The following ANXA5 variants were observed in gnomAD, a reference collection of about 807,000 sequenced individuals.
The protein encoded by ANXA5 is CBP-I.
ANXA5 carries 40 observed loss-of-function variants against 48.1 expected under a neutral mutation model. That is an observed-to-expected ratio of 0.83 (90% CI 0.65 to 1.08). ANXA5 has a LOEUF of 1.08. Ranked by LOEUF, ANXA5 falls within the 50% of genes least tolerant of loss-of-function variation. The pLI is 0.00. For missense variants in ANXA5, 357 were observed against 376.8 expected, an observed-to-expected ratio of 0.95 and a Z score of 0.44; for synonymous variants, 113 against 129.1, an observed-to-expected ratio of 0.88 and a Z score of 0.85.
At chr4:121,694,913 G>T (rs945158498) in intron 2 of ANXA5, among the ~76,000 whole-genome samples, 2 of 152,062 alleles carry the variant, frequency 1.3e-5, no homozygotes, top group Non-Finnish European at 2.9e-5. Flanking sequence ...TATACACATG[G>T]CCTTTATGAT....
intron 11 of ANXA5, 97 bp from the exon 12 acceptor site, chr4:121,669,821 A>C: frequency 6.7e-7 from 1 of 1,490,454 alleles, no homozygotes; most frequent in South Asian, 1.2e-5. Flanking sequence ...AAGGTATAAC[A>C]ATTTAGTAGA....
intron 8 of ANXA5, among the ~76,000 whole-genome samples, chr4:121,674,223 AGGGAGGGGAGGGAGAG>A (rs1264827033): frequency 0.012 from 827 of 71,306 alleles, 11 homozygotes; most frequent in Middle Eastern, 0.023. Context: ...GGAAAGGAGA[AGGGAGGGGAGGGAGAG>A]GGGAGGGGAG....
intron 8 of ANXA5, among the ~76,000 whole-genome samples, chr4:121,676,687 G>C (rs374483660): frequency 6.9e-6 from 1 of 144,798 alleles, no homozygotes; most frequent in African/African-American, 2.5e-5. Context: ...GGGCGGGGGG[G>C]GGTATGGTTT....
chr4:121,683,035 T>C (rs1225605103), intron 5 of ANXA5, among the ~76,000 whole-genome samples: 1 of 152,110 alleles, frequency 6.6e-6, no homozygotes, highest in East Asian at 1.9e-4. Flanking sequence ...AATTTTCTAC[T>C]GAAAAAGATA....
At chr4:121,672,766 C>T (rs1386690538) in intron 8 of ANXA5, 140 bp from the exon 9 acceptor site, 2 of 659,116 alleles carry the variant, frequency 3.0e-6, no homozygotes, top group Non-Finnish European at 5.2e-6. Flanking sequence ...TCTAATGTGT[C>T]CTACTCTGAA....
Position 121,683,402 on chromosome 4 carries a change from G to A in ANXA5, c.265C>T (p.Arg89Trp), listed in dbSNP as rs763889812. Residue 89 changes from arginine to tryptophan, a missense_variant, in exon 5 of 13, where the codon CGG becomes TGG. Transcript: ENST00000296511. ...TTCAGTTCATAAGCATCATAAAGCC[G>A]AGAGGGTTTCATCAGAGCCACAATT... The part of the protein sequence containing the change: ...KLIVALMKPS[R>W]LYDAYELKHA... 5.9e-5 allele frequency: 95 copies of A among 1,608,336 alleles called. No individual in the cohort carries two copies. The highest frequency in any genetic ancestry group is 7.1e-5 in the Non-Finnish European group (83 of 1,176,802).
rs534879398 is a variant in ANXA5 at position 121,676,683 on chromosome 4, G to C, written c.531+1211C>G. On this transcript the variant is annotated intron_variant, in intron 8 of 12. Coordinates refer to ENST00000296511, the MANE Select transcript of ANXA5 (RefSeq NM_001154.4). ...ACTGTGACAGGAAGCCTGGGGGCGG[G>C]GGGGGGTATGGTTTTCCCTGTGAGG... Among the ~76,000 whole-genome samples, 212 of 147,482 alleles carry C rather than the reference G, an allele frequency of 1.4e-3. 1 individual carries two copies. The highest frequency in any genetic ancestry group is 5.0e-3 in the African/African-American group (204 of 41,106).
intron 9 of ANXA5, 88 bp from the exon 10 acceptor site, chr4:121,671,730 T>C: frequency 1.1e-6 from 1 of 885,914 alleles, no homozygotes; most frequent in Non-Finnish European, 1.8e-6. Flanking sequence ...AGTGTCTTAC[T>C]GAACACAAAT....
chr4:121,684,791 A>G lies in ANXA5; in HGVS notation c.95-20T>C, dbSNP rs1724852140. On this transcript the variant is annotated intron_variant, in intron 3 of 12. Coordinates refer to ENST00000296511, the MANE Select transcript of ANXA5 (RefSeq NM_001154.4). The stretch of plus-strand genomic sequence containing the variant: ...CTGTGCCTGCAATTTATGGTTAACA[A>G]TTACATTTTGGCTCCTACATGCATA... 1.9e-6 allele frequency: 3 copies of G among 1,609,672 alleles called. No homozygotes were observed. Among genetic ancestry groups the G allele is most frequent in the South Asian group, 1.1e-5 (1 of 90,904 alleles).
At chr4:121,691,730 A>C (rs1724987472) in intron 2 of ANXA5, among the ~76,000 whole-genome samples, 1 of 152,178 alleles carries the variant, frequency 6.6e-6, no homozygotes, top group African/African-American at 2.4e-5. Flanking sequence ...TCCCCACTCC[A>C]TGTACATACA....
At chr4:121,684,237 A>G (rs2110486373) in intron 4 of ANXA5, among the ~76,000 whole-genome samples, 1 of 152,202 alleles carries the variant, frequency 6.6e-6, no homozygotes, top group African/African-American at 2.4e-5. Flanking sequence ...ATTTTTTTGA[A>G]TTATTAATCA....
rs376075437 is a variant in ANXA5 at position 121,682,547 on chromosome 4, A to C, written c.304-786T>G. ...GAATTTCAACTACTGCTGACATTTC[A>C]GAAGTACTTAGCAAAAAAAGTGCTT... On this transcript the variant is annotated intron_variant, in intron 5 of 12. Coordinates refer to ENST00000296511, the MANE Select transcript of ANXA5 (RefSeq NM_001154.4). 2.9e-4 allele frequency among the ~76,000 whole-genome samples: 44 copies of C among 152,290 alleles called. 1 individual carries two copies. In the East Asian group the frequency reaches 4.4e-3, roughly 15 times the overall value.
At chr4:121,685,898 T>TGA (rs2110487568) in intron 3 of ANXA5, among the ~76,000 whole-genome samples, 1 of 152,292 alleles carries the variant, frequency 6.6e-6, no homozygotes, top group Non-Finnish European at 1.5e-5. Context: ...TTCTAGAGAC[T>TGA]GAATATTAGG....
chr4:121,679,186 T>C (rs964071692), intron 6 of ANXA5, among the ~76,000 whole-genome samples: 7 of 152,212 alleles, frequency 4.6e-5, no homozygotes. Flanking sequence ...GCCTGAAACT[T>C]CTATTTTAAA....
chr4:121,672,344 C>T (rs74981340), intron 9 of ANXA5, among the ~76,000 whole-genome samples, 189 bp downstream of exon 9: 198 of 152,310 alleles, frequency 1.3e-3, no homozygotes, highest in Non-Finnish European at 2.1e-3. Flanking sequence ...GACTCAGGAT[C>T]TCTAGTTTGT....
chr4:121,680,538 G>C (rs1319649353), intron 6 of ANXA5, among the ~76,000 whole-genome samples: 1 of 152,168 alleles, frequency 6.6e-6, no homozygotes, highest in Non-Finnish European at 1.5e-5. Context: ...CAAACTGCTT[G>C]AGGACAGGAG....
chr4:121,681,881 G>A (rs1473768220), intron 5 of ANXA5, 120 bp from the exon 6 acceptor site: 1 of 623,112 alleles, frequency 1.6e-6, no homozygotes, highest in Non-Finnish European at 2.7e-6. Flanking sequence ...GTATAACATG[G>A]ATTTCTTTGT....
chr4:121,671,456 A>G (rs1021383832), intron 10 of ANXA5, 91 bp downstream of exon 10: 14 of 918,862 alleles, frequency 1.5e-5, no homozygotes, highest in Non-Finnish European at 2.3e-5. Flanking sequence ...CTTCCTTCAC[A>G]CCTAGGTGGT....
At position 121,696,625 on chromosome 4, in the gene ANXA5, C is replaced by G. The variant is rs200554661; in HGVS notation, c.-35-1G>C. On this transcript the variant is annotated splice_acceptor_variant, in intron 1 of 12. Transcript: ENST00000296511. LOFTEE classifies it low-confidence loss of function (5UTR_SPLICE). ...CAGGTCAGGGGAAGGTGAAGCAGGA[C>G]TGCAAAAGAGAAGAAACCTCGGGCT... 4.4e-5 allele frequency: 61 copies of G among 1,388,380 alleles called. No homozygotes were observed. The highest frequency in any genetic ancestry group is 5.2e-5 in the Non-Finnish European group (55 of 1,060,388). 86.0% of individuals were successfully genotyped at this position (1,388,380 alleles called of 1,614,324 possible).
Sources: allele counts gnomAD v4.1 joint callset (sites outside exome capture counted in the v4.1 genomes callset), GRCh38; gene constraint gnomAD v4.1.1; transcripts MANE v1.5; gene names NCBI Gene and HGNC (gene_info 2026-07-23, HGNC 2026-07-21).